The following PLXNA4 variants were observed in gnomAD, a reference collection of about 807,000 sequenced individuals.
PLXNA4 encodes plexin A4, also known as plexin-A4.
Under a neutral mutation model 191.8 loss-of-function variants are expected in PLXNA4, and 44 were observed. The observed-to-expected ratio is 0.23, with a 90% CI of 0.18 to 0.29. The LOEUF is 0.29. Ranked by LOEUF, PLXNA4 falls within the 10% of genes least tolerant of loss-of-function variation. The pLI, the probability that PLXNA4 is intolerant of heterozygous loss-of-function variation, is 1.00. For missense variants in PLXNA4, 1,800 were observed against 2,488.8 expected, an observed-to-expected ratio of 0.72 and a Z score of 5.89; for synonymous variants, 1,082 against 1,009.5, an observed-to-expected ratio of 1.07 and a Z score of -1.36.
chr7:132,518,294 G>A (rs1466600843), intron 1 of PLXNA4, among the ~76,000 whole-genome samples: 1 of 152,180 alleles, frequency 6.6e-6, no homozygotes, highest in East Asian at 1.9e-4. Context: ...ACTACCACTA[G>A]GGGGAAAAGT....
intron 2 of PLXNA4, 23 bp downstream of exon 2, chr7:132,507,483 C>T (rs745461607): frequency 1.1e-5 from 17 of 1,581,078 alleles, no homozygotes; most frequent in East Asian, 6.7e-5. Context: ...ACCATCCCAG[C>T]GCGCAGCCCT....
intron 2 of PLXNA4, among the ~76,000 whole-genome samples, chr7:132,636,857 T>G (rs1006049685): frequency 2.0e-5 from 3 of 152,196 alleles, no homozygotes; most frequent in African/African-American, 7.2e-5. Context: ...AACCCTCGCC[T>G]TCGCTATTTG....
At chr7:132,331,437 A>C (rs1365427460) in intron 3 of PLXNA4, among the ~76,000 whole-genome samples, 1 of 152,232 alleles carries the variant, frequency 6.6e-6, no homozygotes. Context: ...TGGCCCAGGA[A>C]GGAGCAAGAC....
intron 4 of PLXNA4, among the ~76,000 whole-genome samples, chr7:132,284,436 T>C (rs947381704): frequency 6.6e-6 from 1 of 152,220 alleles, no homozygotes; most frequent in African/African-American, 2.4e-5. Context: ...AGAGTGAACA[T>C]TTATTTCCCA....
chr7:132,474,222 ACACAC>A (rs1797039059), intron 3 of PLXNA4, among the ~76,000 whole-genome samples: 1 of 139,626 alleles, frequency 7.2e-6, no homozygotes, highest in Non-Finnish European at 1.6e-5. Context: ...TCTCACACAC[ACACAC>A]ACACACACAC....
At chr7:132,264,477 G>A (rs541475358) in intron 4 of PLXNA4, among the ~76,000 whole-genome samples, 5 of 152,000 alleles carry the variant, frequency 3.3e-5, no homozygotes, top group South Asian at 4.2e-4. Flanking sequence ...CTGCAAATGA[G>A]GCCTCATATG....
intron 4 of PLXNA4, among the ~76,000 whole-genome samples, chr7:132,256,711 C>T (rs1271509204): frequency 6.6e-6 from 1 of 152,208 alleles, no homozygotes; most frequent in Admixed American, 6.5e-5. Flanking sequence ...TCTGTATTTT[C>T]TCAAGGCCCT....
intron 3 of PLXNA4, among the ~76,000 whole-genome samples, chr7:132,354,178 A>AGT (rs138307873): frequency 0.22 from 32,626 of 151,236 alleles, 4,815 homozygotes; most frequent in African/African-American, 0.41. Context: ...GGGCACCAAC[A>AGT]GTGTGTGCGT....
chr7:132,554,009 A>C (rs1800683168), intron 1 of PLXNA4, among the ~76,000 whole-genome samples: 1 of 152,238 alleles, frequency 6.6e-6, no homozygotes, highest in South Asian at 2.1e-4. Context: ...TAAAGAAAGA[A>C]AGAGAGAAAT....
rs1382208234 is a variant in PLXNA4, at chr7:132,576,373, T to C, written c.-87+49A>G. ...TCGGCCCAGGTCTGTCCGACCTTGC[T>C]GCCCTCGCCGCCCGCCCGGCCCCAC... On this transcript the variant is annotated intron_variant, in intron 1 of 31. Coordinates refer to ENST00000321063, the MANE Select transcript of PLXNA4 (RefSeq NM_020911.2). The surrounding 1 kb of genome is among the most constrained non-coding windows in gnomAD (Gnocchi z 5.8). The C allele has an allele frequency of 3.0e-6, 3 of 985,364 alleles. No homozygotes were observed. The African/African-American group carries it at 5.3e-5, about 17-fold the overall frequency. 61.0% of individuals were successfully genotyped at this position (985,364 alleles called of 1,614,324 possible). A position where few individuals can be genotyped will look rare whatever the true frequency, so the allele number is the denominator to read the frequency against.
At chr7:132,495,198 G>C (rs1443081938) in intron 2 of PLXNA4, among the ~76,000 whole-genome samples, 1 of 152,160 alleles carries the variant, frequency 6.6e-6, no homozygotes, top group Non-Finnish European at 1.5e-5. Flanking sequence ...AAGCAAAGCT[G>C]TTTTAGCCCC....
intron 24 of PLXNA4, among the ~76,000 whole-genome samples, chr7:132,163,394 C>T (rs993974301): frequency 9.2e-5 from 14 of 152,212 alleles, no homozygotes; most frequent in Non-Finnish European, 1.2e-4. Context: ...CTATGATTAT[C>T]CCCACTTTAG....
intron 3 of PLXNA4, among the ~76,000 whole-genome samples, chr7:132,462,890 C>T (rs1796568131): frequency 7.1e-6 from 1 of 140,964 alleles, no homozygotes; most frequent in South Asian, 2.2e-4. Context: ...GCTCTTTCCA[C>T]CCAGGCTGGA....
chr7:132,393,792 G>C (rs948610301), intron 3 of PLXNA4, among the ~76,000 whole-genome samples: 1 of 152,132 alleles, frequency 6.6e-6, no homozygotes, highest in Non-Finnish European at 1.5e-5. Flanking sequence ...AGTTCAGCCT[G>C]GATGAAACTA....
chr7:132,580,453 C>T (rs957713608), upstream of PLXNA4, among the ~76,000 whole-genome samples: 1 of 152,150 alleles, frequency 6.6e-6, no homozygotes, highest in Admixed American at 6.5e-5. Flanking sequence ...TACCTCTTGC[C>T]TGGTCGTGAA....
At chr7:132,470,647 A>C (rs28469590) in intron 3 of PLXNA4, among the ~76,000 whole-genome samples, 2,036 of 152,276 alleles carry the variant, frequency 0.013, 44 homozygotes, top group African/African-American at 0.046. Flanking sequence ...AGGTAGGCAC[A>C]CTCATATCAC....
intron 1 of PLXNA4, among the ~76,000 whole-genome samples, chr7:132,553,142 T>C (rs1304114774): frequency 2.0e-5 from 3 of 152,130 alleles, no homozygotes; most frequent in Non-Finnish European, 4.4e-5. Context: ...CATCCACACA[T>C]GGATGATCTA....
intron 28 of PLXNA4, 85 bp from the exon 29 acceptor site, chr7:132,145,373 A>G: frequency 6.3e-7 from 1 of 1,582,256 alleles, no homozygotes. Context: ...AGACCTAGGC[A>G]GGGGAGGATG....
chr7:132,426,509 G>A (rs560138149), intron 3 of PLXNA4, among the ~76,000 whole-genome samples: 1 of 152,326 alleles, frequency 6.6e-6, no homozygotes, highest in South Asian at 2.1e-4. Flanking sequence ...AGCAGCAGGT[G>A]TTTGCATTCT....
Sources: gnomAD v4.1 joint callset for allele counts (sites outside exome capture counted in the v4.1 genomes callset) on GRCh38, gnomAD v4.1.1 for gene constraint, Gnocchi (gnomAD v3.1) non-coding constraint, MANE v1.5 for transcripts, NCBI Gene and HGNC (gene_info 2026-07-23, HGNC 2026-07-21) for gene names.